ULK4: variants seen among roughly 807,000 people sequenced by gnomAD.
ULK4 encodes unc-51 like kinase 4, also known as inactive serine/threonine-protein kinase ULK4.
Under a neutral mutation model 160.6 loss-of-function variants are expected in ULK4, and 133 were observed. The ratio of observed to expected loss-of-function variants is 0.83; its 90% confidence interval spans 0.72 to 0.96. The LOEUF is 0.96. Ranked by LOEUF, ULK4 falls within the 40% of genes least tolerant of loss-of-function variation. The pLI, the probability that ULK4 is intolerant of heterozygous loss-of-function variation, is 0.00. For missense variants in ULK4, 1,580 were observed against 1,499.5 expected (o/e 1.05, Z -0.89); for synonymous variants, 534 against 539.8 (o/e 0.99, Z 0.15).
intron 34 of ULK4, among the ~76,000 whole-genome samples, chr3:41,435,864 T>G (rs563234904): frequency 6.6e-6 from 1 of 152,122 alleles, no homozygotes; most frequent in Non-Finnish European, 1.5e-5. Flanking sequence ...GGAGAATCAA[T>G]TGAACTCTGG....
intron 21 of ULK4, among the ~76,000 whole-genome samples, chr3:41,784,948 T>C (rs73828269): frequency 0.058 from 8,781 of 152,248 alleles, 827 homozygotes; most frequent in African/African-American, 0.19. Context: ...AATTAAATAA[T>C]GTTAAACTCT....
At chr3:41,851,924 CA>C in intron 17 of ULK4, among the ~76,000 whole-genome samples, 1 of 151,990 alleles carries the variant, frequency 6.6e-6, no homozygotes, top group Non-Finnish European at 1.5e-5. Flanking sequence ...GATAGAAACA[CA>C]AAAAAACCCT....
rs1300312067 is a variant in ULK4, at chr3:41,896,822, CA to C, written c.1529del (p.Leu510ArgfsTer5). The C allele has an allele frequency of 1.5e-5, 24 of 1,610,928 alleles. 1 individual carries two copies. Among genetic ancestry groups the C allele is most frequent in the Middle Eastern group, 1.7e-4 (1 of 5,800 alleles). The part of the protein sequence containing the change: ...EVATRLLHSP[L>X]FQLLIQHLRI... ...CATAAGGCATGTCACACAGGCTTACCAGGGGGGAATGGAGGAGCCTGGTGGC... is the reference window on the plus strand; with the variant it reads ...CATAAGGCATGTCACACAGGCTTACCGGGGGGAATGGAGGAGCCTGGTGGC... On this transcript the variant is annotated frameshift_variant and splice_region_variant, in exon 15 of 37. Transcript: ENST00000301831. LOFTEE classifies it high-confidence loss of function.
intron 34 of ULK4, among the ~76,000 whole-genome samples, chr3:41,406,116 C>A (rs2082288989): frequency 6.6e-6 from 1 of 152,142 alleles, no homozygotes; most frequent in African/African-American, 2.4e-5. Flanking sequence ...ACATTTAAAT[C>A]TTTAATCCAT....
intron 34 of ULK4, among the ~76,000 whole-genome samples, chr3:41,403,972 T>C (rs2082239659): frequency 6.6e-6 from 1 of 152,180 alleles, no homozygotes; most frequent in Non-Finnish European, 1.5e-5. Flanking sequence ...TTCAATTCTT[T>C]TAATATTTCT....
intron 35 of ULK4, among the ~76,000 whole-genome samples, chr3:41,351,039 C>T (rs952832287): frequency 2.0e-5 from 3 of 152,224 alleles, no homozygotes; most frequent in Non-Finnish European, 4.4e-5. Flanking sequence ...AGGTGATAAA[C>T]TTCTCCCTGG....
At chr3:41,837,624 C>T (rs2041797642) in intron 17 of ULK4, among the ~76,000 whole-genome samples, 1 of 151,596 alleles carries the variant, frequency 6.6e-6, no homozygotes, top group South Asian at 2.1e-4. Context: ...AATGCAGTCG[C>T]ACGATCTCAG....
intron 19 of ULK4, 56 bp downstream of exon 19, chr3:41,819,367 G>C: frequency 6.5e-7 from 1 of 1,530,266 alleles, no homozygotes; most frequent in Non-Finnish European, 9.0e-7. Context: ...CTCATACAGT[G>C]CCTGAAGGGT....
intron 35 of ULK4, among the ~76,000 whole-genome samples, chr3:41,383,051 A>G (rs1008928885): frequency 6.6e-6 from 1 of 151,642 alleles, no homozygotes; most frequent in African/African-American, 2.4e-5. Context: ...AAAAATTGCC[A>G]TTGCTGTTTA....
At chr3:41,822,722 A>ATTTTT (rs1199516780) in intron 18 of ULK4, among the ~76,000 whole-genome samples, 9,088 of 109,214 alleles carry the variant, frequency 0.083, 1,271 homozygotes, top group African/African-American at 0.27. Context: ...CCGGGCTGAG[A>ATTTTT]TTTTTTTTTT....
intron 19 of ULK4, among the ~76,000 whole-genome samples, chr3:41,800,617 A>G (rs1204732465): frequency 2.0e-5 from 3 of 152,196 alleles, no homozygotes. Context: ...AAAATAAACA[A>G]AATAACTATA....
intron 19 of ULK4, among the ~76,000 whole-genome samples, chr3:41,810,053 C>T (rs915707776): frequency 1.3e-5 from 2 of 152,186 alleles, no homozygotes; most frequent in Admixed American, 6.5e-5. Context: ...TAACTTAGCT[C>T]TCCACTATAG....
rs148895466 is a variant in ULK4 at position 41,478,481 on chromosome 3, G to A, written c.3227-15228C>T. 4.2e-3 allele frequency among the ~76,000 whole-genome samples: 634 copies of A among 152,302 alleles called. 7 individuals are homozygous for A. The highest frequency in any genetic ancestry group is 0.011 in the African/African-American group (439 of 41,562). ...CACAGTGGTCTCTGGATCCTCCTAT[G>A]ATTAGCAAAGATTACTGTGTTGAAT... On this transcript the variant is annotated intron_variant, in intron 32 of 36. Coordinates refer to ENST00000301831, the MANE Select transcript of ULK4 (RefSeq NM_017886.4).
intron 1 of ULK4, among the ~76,000 whole-genome samples, chr3:41,955,059 G>C (rs1441188460): frequency 2.6e-5 from 4 of 152,246 alleles, no homozygotes; most frequent in Non-Finnish European, 5.9e-5. Flanking sequence ...GGGAGGCCGA[G>C]GCAGGGGGAT....
At chr3:41,272,999 T>C (rs1304301033) in intron 35 of ULK4, among the ~76,000 whole-genome samples, 1 of 152,238 alleles carries the variant, frequency 6.6e-6, no homozygotes, top group East Asian at 1.9e-4. Context: ...TTTAACATCC[T>C]TGCCTGCCCA....
intron 29 of ULK4, among the ~76,000 whole-genome samples, chr3:41,680,192 G>A (rs965200114): frequency 2.0e-5 from 3 of 152,152 alleles, no homozygotes; most frequent in Admixed American, 6.5e-5. Context: ...ATAGATCACA[G>A]ACATACACTC....
intron 18 of ULK4, among the ~76,000 whole-genome samples, chr3:41,828,842 A>G (rs903802090): frequency 9.2e-5 from 14 of 152,164 alleles, no homozygotes; most frequent in African/African-American, 3.4e-4. Flanking sequence ...TGCCAAGTCA[A>G]TCCTAAGCCA....
intron 17 of ULK4, among the ~76,000 whole-genome samples, chr3:41,854,648 C>T (rs902871004): frequency 3.3e-5 from 5 of 152,150 alleles, no homozygotes; most frequent in Non-Finnish European, 7.3e-5. Context: ...AAAGAATTCA[C>T]AGCTTCTTAC....
At chr3:41,943,266 G>C (rs1487785658) in intron 2 of ULK4, among the ~76,000 whole-genome samples, 1 of 79,042 alleles carries the variant, frequency 1.3e-5, no homozygotes, top group African/African-American at 2.7e-5. Context: ...TCACCCATTT[G>C]TTTTTCATTT....
Sources: allele counts gnomAD v4.1 joint callset (sites outside exome capture counted in the v4.1 genomes callset), GRCh38; gene constraint gnomAD v4.1.1; transcripts MANE v1.5; gene names NCBI Gene and HGNC (gene_info 2026-07-23, HGNC 2026-07-21).